The following COBLL1 variants were observed in gnomAD, a reference collection of about 807,000 sequenced individuals.
COBLL1 encodes the protein cordon-bleu WH2 repeat protein like 1.
A neutral mutation model predicts 94.8 loss-of-function variants in COBLL1; 50 were observed. The observed-to-expected ratio is 0.53, with a 90% CI of 0.42 to 0.67. The LOEUF is 0.67. COBLL1 is among the 30% of genes least tolerant of loss of function. The pLI is 0.00. For missense variants in COBLL1, 1,362 were observed against 1,348.7 expected, an observed-to-expected ratio of 1.01 and a Z score of -0.15; for synonymous variants, 448 against 473.8, an observed-to-expected ratio of 0.95 and a Z score of 0.71.
chr2:164,703,904 A>G (rs1347988647), intron 9 of COBLL1, among the ~76,000 whole-genome samples: 2 of 152,214 alleles, frequency 1.3e-5, no homozygotes, highest in Non-Finnish European at 2.9e-5. Flanking sequence ...CTGGAAAAGT[A>G]TTACTATAAA....
At chr2:164,766,101 C>T (rs1051793777) in intron 2 of COBLL1, among the ~76,000 whole-genome samples, 5 of 152,126 alleles carry the variant, frequency 3.3e-5, no homozygotes, top group African/African-American at 4.8e-5. Context: ...GAGGTTCACC[C>T]GTGTTGTAGC....
At chr2:164,718,314 G>C (rs141798286) in intron 7 of COBLL1, 3 of 892,720 alleles carry the variant, frequency 3.4e-6, no homozygotes, top group Admixed American at 6.2e-5. Flanking sequence ...CAACCCTAAA[G>C]TTTATCTTTA....
chr2:164,801,017 G>C (rs1232648701), intron 2 of COBLL1, among the ~76,000 whole-genome samples: 2 of 152,152 alleles, frequency 1.3e-5, no homozygotes, highest in African/African-American at 2.4e-5. Flanking sequence ...CCTAGCACTG[G>C]AGCTGGGTGC....
chr2:164,797,968 C>T (rs1683557012), intron 2 of COBLL1, among the ~76,000 whole-genome samples: 1 of 152,194 alleles, frequency 6.6e-6, no homozygotes, highest in Non-Finnish European at 1.5e-5. Flanking sequence ...TTAAAACTTA[C>T]ATTGAAAAGA....
At chr2:164,820,124 G>A (rs1685092442) in intron 2 of COBLL1, among the ~76,000 whole-genome samples, 1 of 132 alleles carries the variant, frequency 7.6e-3, no homozygotes, top group South Asian at 0.1. Context: ...GTGGGCCACC[G>A]TGCCAGCCAC....
In COBLL1 at chr2:164,700,547, G is replaced by C. The variant is rs777735181; in HGVS notation, c.1435C>G (p.Gln479Glu). ...TGTCCATCTGTGCTTTTAGTTTCTTGTTTTTCTTCCATGGAGTTTTGTGAG... is the reference window on the plus strand; with the variant it reads ...TGTCCATCTGTGCTTTTAGTTTCTTCTTTTTCTTCCATGGAGTTTTGTGAG... ...EFSQNSMEEK[Q>E]ETKSTDGQEP... Residue 479 changes from glutamine to glutamate, a missense_variant, in exon 10 of 14, where the codon CAA (glutamine) becomes GAA (glutamate). By Grantham distance (29) the Gln-to-Glu change is conservative. Coordinates refer to ENST00000652658, the MANE Select transcript of COBLL1 (RefSeq NM_001365672.2). The C allele has an allele frequency of 9.3e-6, 15 of 1,613,226 alleles. No homozygotes were observed. Among genetic ancestry groups the C allele is most frequent in the Non-Finnish European group, 1.3e-5 (15 of 1,179,510 alleles).
At chr2:164,769,688 G>T (rs1262389963) in intron 2 of COBLL1, among the ~76,000 whole-genome samples, 3 of 152,086 alleles carry the variant, frequency 2.0e-5, no homozygotes, top group African/African-American at 4.8e-5. Flanking sequence ...GTTAGATCCT[G>T]TCTCAATTTT....
intron 2 of COBLL1, 69 bp from the exon 3 acceptor site, chr2:164,743,944 A>C: frequency 8.8e-7 from 1 of 1,131,556 alleles, no homozygotes; most frequent in Non-Finnish European, 1.2e-6. Flanking sequence ...AATATGATGT[A>C]TTTTTATAAA....
intron 2 of COBLL1, among the ~76,000 whole-genome samples, chr2:164,820,766 A>G (rs1273385772): frequency 6.6e-6 from 1 of 152,218 alleles, no homozygotes; most frequent in Non-Finnish European, 1.5e-5. Context: ...ACCAATTTTC[A>G]GCAGTTTATG....
At chr2:164,731,508 AG>A (rs2105524197) in intron 3 of COBLL1, among the ~76,000 whole-genome samples, 1 of 152,324 alleles carries the variant, frequency 6.6e-6, no homozygotes, top group African/African-American at 2.4e-5. Flanking sequence ...CCTTAAGGAA[AG>A]CACACTAAAA....
intron 2 of COBLL1, chr2:164,772,003 G>A (rs1229653496): frequency 6.6e-6 from 1 of 151,812 alleles, no homozygotes; most frequent in Non-Finnish European, 1.5e-5. Context: ...CGTATGCATA[G>A]TGGGAGTAAA....
chr2:164,781,793 A>G (rs916728582), intron 2 of COBLL1, among the ~76,000 whole-genome samples: 1 of 152,188 alleles, frequency 6.6e-6, no homozygotes, highest in Admixed American at 6.5e-5. Flanking sequence ...GACAAAACAA[A>G]GCATAAAGAA....
chr2:164,841,109 C>A lies in COBLL1; in HGVS notation c.41+47G>T, dbSNP rs560713904. The A allele has an allele frequency of 1.6e-6, 2 of 1,228,592 alleles. No homozygotes were observed. The highest frequency in any genetic ancestry group is 3.1e-5 in the African/African-American group (2 of 64,346). The allele number at this position is 1,228,592 out of a possible 1,614,324, so 76.1% of individuals were successfully genotyped here. A position where few individuals can be genotyped will look rare whatever the true frequency, so the allele number is the denominator to read the frequency against. ...ACGGCCGAGGCCTCGCTGTCCTCGC[C>A]GGCCTCGCCCTCCCCGGTGAGAGGC... On this transcript the variant is annotated intron_variant, in intron 2 of 13. Coordinates refer to ENST00000652658, the MANE Select transcript of COBLL1 (RefSeq NM_001365672.2). This position sits in a 1 kb window ranked among gnomAD's most constrained non-coding sequence, Gnocchi z 5.5.
At chr2:164,752,143 C>G (rs50916) in intron 2 of COBLL1, among the ~76,000 whole-genome samples, 33,521 of 152,036 alleles carry the variant, frequency 0.22, 4,160 homozygotes, top group African/African-American at 0.33. Context: ...TAGTTTCTAT[C>G]CAGTATCAAC....
At position 164,841,058 on chromosome 2, in the gene COBLL1, G is replaced by A. The variant is rs1394493612; in HGVS notation, c.41+98C>T. 1 of 1,177,906 alleles carries A rather than the reference G, an allele frequency of 8.5e-7. No homozygotes were observed. The highest frequency in any genetic ancestry group is 1.1e-6 in the Non-Finnish European group (1 of 940,224). The allele number at this position is 1,177,906 out of a possible 1,614,324, so 73.0% of individuals were successfully genotyped here. On this transcript the variant is annotated intron_variant, in intron 2 of 13. Coordinates refer to ENST00000652658, the MANE Select transcript of COBLL1 (RefSeq NM_001365672.2). The surrounding 1 kb of genome is among the most constrained non-coding windows in gnomAD (Gnocchi z 5.5). The stretch of plus-strand genomic sequence containing the variant: ...CAGTCAGTGAGTCAGGCCGCCGGCA[G>A]GGCAGCGAGTTGCCAGCCAGGTGAA...
At position 164,728,049 on chromosome 2, in the gene COBLL1, T is replaced by C. The variant is rs1416729721; in HGVS notation, c.581A>G (p.Gln194Arg). ...PLHTLLLKDY[Q>R]SQEPLDLTKS... Reference sequence around the variant, plus strand: ...TGTCAAGTCAAGAGGCTCCTGCGATTGATAATCTTTCAACAATAGTGTATG... The same window carrying C: ...TGTCAAGTCAAGAGGCTCCTGCGATCGATAATCTTTCAACAATAGTGTATG... The change falls in exon 5 of 14, where the codon CAA becomes CGA. Residue 194 changes from glutamine to arginine, a missense_variant. Transcript: ENST00000652658. 1.9e-6 allele frequency: 3 copies of C among 1,613,832 alleles called. No homozygotes were observed. Among genetic ancestry groups the C allele is most frequent in the Non-Finnish European group, 2.5e-6 (3 of 1,179,744 alleles).
chr2:164,724,589 C>A (rs1253349111), intron 5 of COBLL1: 5 of 152,084 alleles, frequency 3.3e-5, no homozygotes, highest in Non-Finnish European at 7.4e-5. Context: ...AAAAATATTT[C>A]TTCTACTAAG....
intron 2 of COBLL1, among the ~76,000 whole-genome samples, chr2:164,828,696 G>A (rs145091980): frequency 6.6e-6 from 1 of 152,150 alleles, no homozygotes; most frequent in Non-Finnish European, 1.5e-5. Flanking sequence ...CGTGGCCAGC[G>A]TGACTAAGAA....
chr2:164,805,580 T>C (rs1432194389), intron 2 of COBLL1, among the ~76,000 whole-genome samples: 2 of 151,654 alleles, frequency 1.3e-5, no homozygotes, highest in East Asian at 1.9e-4. Context: ...GTTGGAATAA[T>C]ATAGTATGTA....
Sources: gnomAD v4.1 joint callset for allele counts (sites outside exome capture counted in the v4.1 genomes callset) on GRCh38, gnomAD v4.1.1 for gene constraint, Gnocchi (gnomAD v3.1) non-coding constraint, MANE v1.5 for transcripts, NCBI Gene and HGNC (gene_info 2026-07-23, HGNC 2026-07-21) for gene names.